Variants in ZC3H6 observed in about 807,000 individuals in gnomAD.
ZC3H6 encodes the protein zinc finger CCCH-type containing 6, also known as zinc finger CCCH domain-containing protein 6.
ZC3H6 carries 40 observed loss-of-function variants against 107.7 expected under a neutral mutation model. That is an observed-to-expected ratio of 0.37 (90% CI 0.29 to 0.48). The LOEUF is 0.48. Among genes scored for constraint, ZC3H6 ranks in the 20% least tolerant of loss-of-function variants. The pLI is 0.98. For missense variants in ZC3H6, 1,267 were observed against 1,410.4 expected (o/e 0.90, Z 1.63); for synonymous variants, 493 against 487.9 (o/e 1.01, Z -0.14).
intron 10 of ZC3H6, 95 bp downstream of exon 10, chr2:112,324,758 C>A: frequency 1.5e-6 from 2 of 1,299,386 alleles, no homozygotes; most frequent in Non-Finnish European, 2.1e-6. Flanking sequence ...TTAAGTAAAG[C>A]TGAGTAAAAT....
Position 112,275,892 on chromosome 2 carries a change from C to A in ZC3H6, c.-103C>A. 1 of 988,438 alleles carries A rather than the reference C, an allele frequency of 1.0e-6. No individual in the cohort carries two copies. Among genetic ancestry groups the A allele is most frequent in the Non-Finnish European group, 1.5e-6 (1 of 689,618 alleles). 61.2% of individuals were successfully genotyped at this position (988,438 alleles called of 1,614,324 possible). A position where few individuals can be genotyped will look rare whatever the true frequency, so the allele number is the denominator to read the frequency against. ...CCACTTCGTCACCTGTCGGCGGCGGCCGGGAGCAGGTTCCCGCAGGCGGCG... is the reference window on the plus strand; with the variant it reads ...CCACTTCGTCACCTGTCGGCGGCGGACGGGAGCAGGTTCCCGCAGGCGGCG... On this transcript the variant is annotated 5_prime_UTR_variant, in exon 1 of 12. Transcript: ENST00000409871.
chr2:112,287,468 T>TA (rs1178367006), intron 1 of ZC3H6, among the ~76,000 whole-genome samples: 5 of 152,222 alleles, frequency 3.3e-5, no homozygotes, highest in African/African-American at 1.2e-4. Context: ...ATGTCAAACA[T>TA]ACAAGCTTAT....
chr2:112,299,316 A>T (rs1676316367), intron 1 of ZC3H6, among the ~76,000 whole-genome samples: 1 of 151,464 alleles, frequency 6.6e-6, no homozygotes, highest in South Asian at 2.1e-4. Flanking sequence ...ATGCATAGGG[A>T]CAAGCCATAA....
chr2:112,275,924 G>C lies in ZC3H6; in HGVS notation c.-71G>C. The stretch of plus-strand genomic sequence containing the variant: ...CAGGTTCCCGCAGGCGGCGCGGGGG[G>C]TCTTCCCCGCGCCCCGCCGCCGCCG... On this transcript the variant is annotated 5_prime_UTR_variant, in exon 1 of 12. Coordinates refer to ENST00000409871, the MANE Select transcript of ZC3H6 (RefSeq NM_198581.3). 1 of 1,401,442 alleles carries C rather than the reference G, an allele frequency of 7.1e-7. No individual in the cohort carries two copies. Among genetic ancestry groups the C allele is most frequent in the South Asian group, 1.4e-5 (1 of 73,912 alleles). 86.8% of individuals were successfully genotyped at this position (1,401,442 alleles called of 1,614,324 possible). A position where few individuals can be genotyped will look rare whatever the true frequency, so the allele number is the denominator to read the frequency against.
At chr2:112,294,421 A>G (rs540323196) in intron 1 of ZC3H6, among the ~76,000 whole-genome samples, 31 of 152,246 alleles carry the variant, frequency 2.0e-4, no homozygotes, top group Non-Finnish European at 3.8e-4. Context: ...CTGGACTGCA[A>G]AGAAATCCTA....
intron 1 of ZC3H6, among the ~76,000 whole-genome samples, chr2:112,283,265 A>G (rs531149691): frequency 9.2e-5 from 14 of 152,298 alleles, no homozygotes; most frequent in African/African-American, 3.1e-4. Context: ...GATTATTATT[A>G]CTCTTGGCAA....
intron 3 of ZC3H6, among the ~76,000 whole-genome samples, chr2:112,305,170 C>T (rs1250809138): frequency 2.6e-5 from 4 of 152,030 alleles, no homozygotes; most frequent in African/African-American, 9.7e-5. Context: ...TAGATTTATT[C>T]TTTAGAAATA....
rs1677036789 is a variant in ZC3H6, at chr2:112,331,737, C to A, written c.2819C>A (p.Thr940Lys). ...PKLAAKAKIN[T>K]TNREGYLEQF... is the part of the protein sequence containing the mutation. ...TTAGCAGCCAAAGCCAAAATTAACA[C>A]AACAAACAGAGAAGGCTACCTAGAA... The change falls in exon 12 of 12, where the codon ACA becomes AAA. Residue 940 changes from threonine (T) to lysine (K), a missense_variant. By Grantham distance (78) the Thr-to-Lys change is moderately conservative (BLOSUM62 -1). Around this residue, in one of 3 missense-constraint regions of ZC3H6, gnomAD observed 925 missense variants for 1,025.7 expected, o/e 0.90. Coordinates refer to ENST00000409871, the MANE Select transcript of ZC3H6 (RefSeq NM_198581.3). 1 of 1,613,660 alleles carries A rather than the reference C, an allele frequency of 6.2e-7. No homozygotes were observed. Among genetic ancestry groups the A allele is most frequent in the Non-Finnish European group, 8.5e-7 (1 of 1,179,828 alleles).
At chr2:112,285,256 A>G (rs1686585880) in intron 1 of ZC3H6, among the ~76,000 whole-genome samples, 1 of 152,134 alleles carries the variant, frequency 6.6e-6, no homozygotes, top group Non-Finnish European at 1.5e-5. Context: ...TACTTCATCT[A>G]ATTGAGAAAA....
At position 112,335,028 on chromosome 2, in the gene ZC3H6, T is replaced by C. The variant is rs1050525876; in HGVS notation, c.*2540T>C. Reference sequence around the variant, plus strand: ...GTTTGTGATGGAAATTCTATACCTGTTTACTGTGATGATGAATACAGTGGA... The same window carrying C: ...GTTTGTGATGGAAATTCTATACCTGCTTACTGTGATGATGAATACAGTGGA... On this transcript the variant is annotated 3_prime_UTR_variant, in exon 12 of 12. Coordinates refer to ENST00000409871, the MANE Select transcript of ZC3H6 (RefSeq NM_198581.3). 9 of 152,372 alleles carry C rather than the reference T, an allele frequency of 5.9e-5. No homozygotes were observed. Among genetic ancestry groups the C allele is most frequent in the African/African-American group, 2.2e-4 (9 of 41,438 alleles). The allele number at this position is 152,372 out of a possible 1,614,324, so 9.4% of individuals were successfully genotyped here.
intron 1 of ZC3H6, among the ~76,000 whole-genome samples, chr2:112,289,968 T>G (rs1322785302): frequency 6.6e-6 from 1 of 152,154 alleles, no homozygotes; most frequent in African/African-American, 2.4e-5. Context: ...CTCACACTCC[T>G]GGGCTTGACC....
At position 112,316,466 on chromosome 2, in the gene ZC3H6, GCAGTATAATAAAC is replaced by G; in HGVS notation, c.748_760del (p.Tyr250GlyfsTer7). On this transcript the variant is annotated splice_acceptor_variant and splice_polypyrimidine_tract_variant and coding_sequence_variant and intron_variant, in exon 6 of 12. Coordinates refer to ENST00000409871, the MANE Select transcript of ZC3H6 (RefSeq NM_198581.3). LOFTEE classifies it high-confidence loss of function. ...TGCATTCAAATGGAATTTTTTTCTT[GCAGTATAATAAAC>G]CAGGGAAAAAATGGAAGGTTATGAC... 1 of 1,565,562 alleles carries G rather than the reference GCAGTATAATAAAC, an allele frequency of 6.4e-7. No homozygotes were observed. Among genetic ancestry groups the G allele is most frequent in the Non-Finnish European group, 8.7e-7 (1 of 1,146,610 alleles).
chr2:112,285,262 GA>G (rs1178994256), intron 1 of ZC3H6, among the ~76,000 whole-genome samples: 1 of 151,770 alleles, frequency 6.6e-6, no homozygotes, highest in Non-Finnish European at 1.5e-5. Context: ...ATCTAATTGA[GA>G]AAATTTTAAC....
chr2:112,297,542 C>T (rs985271426), intron 1 of ZC3H6, among the ~76,000 whole-genome samples: 10 of 151,998 alleles, frequency 6.6e-5, no homozygotes, highest in African/African-American at 1.2e-4. Context: ...CCATGTGTAT[C>T]GGTTGGTTTA....
At chr2:112,297,834 G>A (rs144235166) in intron 1 of ZC3H6, among the ~76,000 whole-genome samples, 106 of 152,258 alleles carry the variant, frequency 7.0e-4, no homozygotes, top group African/African-American at 2.4e-3. Context: ...ATATTGACTG[G>A]CTGGGCACGG....
At position 112,288,242 on chromosome 2, in the gene ZC3H6, C is replaced by T. The variant is rs189905972; in HGVS notation, c.33-11607C>T. ...TTTAAACCTATTCCAGATAATTTTT[C>T]ATTGGTATTCTCTGAAGGAAAATAA... On this transcript the variant is annotated intron_variant, in intron 1 of 11. Transcript: ENST00000409871. Among the ~76,000 whole-genome samples, 868 of 151,722 alleles carry T rather than the reference C, an allele frequency of 5.7e-3. 1 individual carries two copies. The highest frequency in any genetic ancestry group is 0.02 in the African/African-American group (833 of 41,208).
rs1328308100 is a variant in ZC3H6 at position 112,322,867 on chromosome 2, A to G, written c.1305A>G (p.Lys435=). 1.9e-6 allele frequency: 3 copies of G among 1,610,452 alleles called. No individual in the cohort carries two copies. The highest frequency in any genetic ancestry group is 3.4e-5 in the Admixed American group (2 of 59,240). The change falls in exon 9 of 12, where the codon AAA becomes AAG. Residue 435 remains lysine (K), a synonymous_variant. Transcript: ENST00000409871. ...KIPSLFEIVV[K]PTVDLAHKIG... ...CATCTCTTTTTGAAATAGTTGTAAA[A>G]CCTACTGTGGATTTAGCGCATAAAA...
rs983954135 is a variant in ZC3H6 at position 112,331,631 on chromosome 2, C to T, written c.2713C>T (p.Leu905Phe). 5.6e-6 allele frequency: 9 copies of T among 1,613,848 alleles called. No individual in the cohort carries two copies. Among genetic ancestry groups the T allele is most frequent in the African/African-American group, 2.7e-5 (2 of 74,890 alleles). Residue 905 changes from leucine (L) to phenylalanine (F), a missense_variant, in exon 12 of 12, where the codon CTT becomes TTT. Leu to Phe is a conservative substitution (Grantham distance 22). This residue lies in a region of ZC3H6 where 925 missense variants were observed against 1,025.7 expected (regional missense o/e 0.90). Coordinates refer to ENST00000409871, the MANE Select transcript of ZC3H6 (RefSeq NM_198581.3). ...TTCAATCAATTTACCTCTGCCCCCA[C>T]TTATAGCTGACCAGAGGCTAAATAG... is the stretch of plus-strand genomic sequence containing the variant. ...VSSINLPLPPLIADQRLNRLW... is the reference protein window; with the variant it reads ...VSSINLPLPPFIADQRLNRLW...
At chr2:112,318,398 TA>T in intron 7 of ZC3H6, among the ~76,000 whole-genome samples, 1 of 152,350 alleles carries the variant, frequency 6.6e-6, no homozygotes, top group African/African-American at 2.4e-5. Flanking sequence ...ATGTGTAATT[TA>T]TATCACTTAC....
Sources: gnomAD v4.1 joint callset for allele counts (sites outside exome capture counted in the v4.1 genomes callset) on GRCh38, gnomAD v4.1.1 for gene constraint, gnomAD v4.1.1 regional missense constraint, MANE v1.5 for transcripts, NCBI Gene and HGNC (gene_info 2026-07-23, HGNC 2026-07-21) for gene names.